The following CCDC7 variants were observed in gnomAD, a reference collection of about 807,000 sequenced individuals.
CCDC7 encodes coiled-coil domain-containing protein 7.
A neutral mutation model predicts 196.9 loss-of-function variants in CCDC7; 183 were observed. That is an observed-to-expected ratio of 0.93 (90% CI 0.82 to 1.05). The LOEUF is 1.05. CCDC7 is among the 50% of genes least tolerant of loss of function. The pLI, the probability that CCDC7 is intolerant of heterozygous loss-of-function variation, is 0.00. For missense variants in CCDC7, 1,540 were observed against 1,482.2 expected, an observed-to-expected ratio of 1.04 and a Z score of -0.64; for synonymous variants, 525 against 484.6, an observed-to-expected ratio of 1.08 and a Z score of -1.10.
chr10:32,766,182 T>C (rs960801681), intron 28 of CCDC7, among the ~76,000 whole-genome samples: 2 of 152,042 alleles, frequency 1.3e-5, no homozygotes, highest in African/African-American at 2.4e-5. Flanking sequence ...AGAAGTCTAG[T>C]GGAATGGGAC....
At chr10:32,511,392 A>G in intron 9 of CCDC7, 1 of 1,609,950 alleles carries the variant, frequency 6.2e-7, no homozygotes, top group Non-Finnish European at 8.5e-7. Flanking sequence ...TTTTTTACAA[A>G]TCTTGAAGCT....
At chr10:32,492,043 A>G in intron 9 of CCDC7, 46 bp downstream of exon 10, 1 of 1,478,884 alleles carries the variant, frequency 6.8e-7, no homozygotes, top group South Asian at 1.5e-5. Flanking sequence ...TATTTTTAAA[A>G]AAAGACAGAT....
rs192637028 is a variant in CCDC7, at chr10:32,640,897, T to C, written c.2014+5739T>C. Among the ~76,000 whole-genome samples, 994 of 137,602 alleles carry C rather than the reference T, an allele frequency of 7.2e-3. 21 individuals are homozygous for C. Among genetic ancestry groups the C allele is most frequent in the Admixed American group, 0.023 (298 of 13,054 alleles). 90.3% of individuals were successfully genotyped at this position (137,602 alleles called of 152,430 possible). On this transcript the variant is annotated intron_variant, in intron 20 of 41. Transcript: ENST00000639629. ...TTTTCTTTTTTTTTTTATTATACTC[T>C]AAGTTTTAGGGTACATGTGCACATT...
chr10:32,508,310 A>G lies in CCDC7; in HGVS notation c.873-9635A>G, dbSNP rs916819665. The stretch of plus-strand genomic sequence containing the variant: ...ATTTAGAGTAGCATGAAAAGAAATG[A>G]AATATTTAATAATAAATTTAACCAA... On this transcript the variant is annotated intron_variant, in intron 9 of 41. Coordinates refer to ENST00000639629, the Ensembl canonical transcript of CCDC7. Among the ~76,000 whole-genome samples, 18 of 152,254 alleles carry G rather than the reference A, an allele frequency of 1.2e-4. 1 individual carries two copies. Among genetic ancestry groups the G allele is most frequent in the African/African-American group, 4.3e-4 (18 of 41,470 alleles).
chr10:32,703,575 G>A (rs960993292), intron 24 of CCDC7, among the ~76,000 whole-genome samples: 8 of 151,980 alleles, frequency 5.3e-5, no homozygotes, highest in African/African-American at 1.9e-4. Flanking sequence ...TTGCTAGATT[G>A]GGGAAGTTCT....
At chr10:32,700,357 A>G (rs539055803) in intron 24 of CCDC7, among the ~76,000 whole-genome samples, 6 of 149,230 alleles carry the variant, frequency 4.0e-5, no homozygotes, top group Non-Finnish European at 8.8e-5. Flanking sequence ...CAAAGATCAG[A>G]TGGTTGTGGA....
intron 9 of CCDC7, among the ~76,000 whole-genome samples, chr10:32,516,852 A>G (rs1335479406): frequency 6.6e-6 from 1 of 152,242 alleles, no homozygotes. Flanking sequence ...GTTCACACAA[A>G]AACTTGTACA....
At position 32,738,473 on chromosome 10, in the gene CCDC7, C is replaced by CTTTTTT. The variant is rs33944221; in HGVS notation, c.2905+9032_2905+9037dup. On this transcript the variant is annotated intron_variant, in intron 28 of 41. Transcript: ENST00000639629. The stretch of plus-strand genomic sequence containing the variant: ...AAAGAATATAAAATGGTTTCTTTCA[C>CTTTTTT]TTTTTTTTTTTTTTTTTTTTTGACA... 4.0e-3 allele frequency among the ~76,000 whole-genome samples: 441 copies of CTTTTTT among 109,632 alleles called. 8 individuals carry two copies. Among genetic ancestry groups the CTTTTTT allele is most frequent in the South Asian group, 0.012 (36 of 3,086 alleles). 71.9% of individuals were successfully genotyped at this position (109,632 alleles called of 152,430 possible).
At chr10:32,636,219 CTTTT>C (rs951529572) in intron 20 of CCDC7, among the ~76,000 whole-genome samples, 2 of 151,704 alleles carry the variant, frequency 1.3e-5, no homozygotes, top group Non-Finnish European at 2.9e-5. Flanking sequence ...TCATTTAGTT[CTTTT>C]TTTTATTTTT....
chr10:32,494,386 G>T (rs1222822251), intron 9 of CCDC7, among the ~76,000 whole-genome samples: 1 of 147,094 alleles, frequency 6.8e-6, no homozygotes, highest in Non-Finnish European at 1.5e-5. Context: ...GGCTATGTCT[G>T]TTTTTTTTTT....
chr10:32,827,832 T>C (rs2091375276), intron 32 of CCDC7, among the ~76,000 whole-genome samples: 1 of 152,128 alleles, frequency 6.6e-6, no homozygotes, highest in Non-Finnish European at 1.5e-5. Context: ...AAAATGGCCC[T>C]GCAAAGCCAT....
chr10:32,719,762 G>T (rs1283673044), intron 25 of CCDC7, among the ~76,000 whole-genome samples: 1 of 151,952 alleles, frequency 6.6e-6, no homozygotes, highest in African/African-American at 2.4e-5. Context: ...CAACAAACAT[G>T]AAAAAAAGCT....
At chr10:32,843,108 A>T (rs183368010) in intron 33 of CCDC7, among the ~76,000 whole-genome samples, 90 of 150,862 alleles carry the variant, frequency 6.0e-4, no homozygotes, top group Non-Finnish European at 5.2e-4. Context: ...AAATTTTTTT[A>T]AAAAATTTAA....
intron 24 of CCDC7, among the ~76,000 whole-genome samples, chr10:32,697,710 G>T (rs1304030349): frequency 1.3e-5 from 2 of 152,200 alleles, no homozygotes. Flanking sequence ...GCTCAACAAG[G>T]CCTGCCTGCC....
At chr10:32,571,155 C>T (rs572492450) in intron 15 of CCDC7, among the ~76,000 whole-genome samples, 1 of 151,812 alleles carries the variant, frequency 6.6e-6, no homozygotes, top group African/African-American at 2.4e-5. Flanking sequence ...ATTACAGGCG[C>T]CCGCCACCAT....
intron 16 of CCDC7, among the ~76,000 whole-genome samples, chr10:32,573,542 T>A: frequency 6.6e-6 from 1 of 152,176 alleles, no homozygotes. Flanking sequence ...ACCTAGTGAG[T>A]TATTACCCCT....
intron 30 of CCDC7, among the ~76,000 whole-genome samples, chr10:32,809,408 T>A (rs1193790281): frequency 6.6e-6 from 1 of 151,590 alleles, no homozygotes; most frequent in Non-Finnish European, 1.5e-5. Context: ...CAAACAGAAA[T>A]CCCATAATTC....
intron 28 of CCDC7, among the ~76,000 whole-genome samples, chr10:32,764,729 C>T (rs1255177019): frequency 3.9e-5 from 6 of 151,968 alleles, no homozygotes; most frequent in African/African-American, 1.2e-4. Flanking sequence ...GAAGACAGCC[C>T]CAGCATTCTC....
intron 15 of CCDC7, among the ~76,000 whole-genome samples, chr10:32,571,003 G>T (rs2057470803): frequency 9.2e-6 from 1 of 108,194 alleles, no homozygotes; most frequent in Non-Finnish European, 1.8e-5. Context: ...TAAGGTCACT[G>T]GCCTTTTTTT....
Sources: allele counts gnomAD v4.1 joint callset (sites outside exome capture counted in the v4.1 genomes callset), GRCh38; gene constraint gnomAD v4.1.1; transcripts MANE v1.5; gene names NCBI Gene and HGNC (gene_info 2026-07-23, HGNC 2026-07-21).